The following KIF7 variants were observed in gnomAD, a reference collection of about 807,000 sequenced individuals.
KIF7 encodes the protein kinesin-like protein KIF7.
In KIF7, 104 loss-of-function variants were observed where a neutral mutation model predicts 135.7. The ratio of observed to expected loss-of-function variants is 0.77; its 90% CI spans 0.65 to 0.90. The LOEUF (loss-of-function observed/expected upper bound fraction) is 0.90. Among genes scored for constraint, KIF7 ranks in the 40% least tolerant of loss-of-function variants. The pLI is 0.00. For synonymous variants in KIF7, 883 were observed against 809.4 expected, an observed-to-expected ratio of 1.09 and a Z score of -1.54; for missense variants, 2,005 against 1,839.1, an observed-to-expected ratio of 1.09 and a Z score of -1.65.
downstream of KIF7, chr15:89,625,886 C>G (rs532430988): frequency 6.5e-7 from 1 of 1,542,944 alleles, no homozygotes; most frequent in South Asian, 1.3e-5. Flanking sequence ...GCCTGGGCTT[C>G]CCGGTTGGGG....
At chr15:89,624,868 A>C (rs1357677700), downstream of KIF7, 2 of 1,613,928 alleles carry the variant, frequency 1.2e-6, no homozygotes, top group Non-Finnish European at 8.5e-7. Flanking sequence ...CTCTCCTCTG[A>C]TGCCTTCCCG....
downstream of KIF7, chr15:89,625,121 C>T: frequency 3.1e-6 from 5 of 1,613,990 alleles, no homozygotes; most frequent in Non-Finnish European, 4.2e-6. Context: ...TTCCTCCCTG[C>T]TCTCAGCATG....
In KIF7 at chr15:89,629,560, C is replaced by A. The variant is rs752985477; in HGVS notation, c.3332G>T (p.Arg1111Leu). The A allele has an allele frequency of 1.2e-6, 2 of 1,606,582 alleles. No homozygotes were observed. Among genetic ancestry groups the A allele is most frequent in the Non-Finnish European group, 8.5e-7 (1 of 1,179,962 alleles). Residue 1111 changes from arginine (R) to leucine (L), a missense_variant, in exon 17 of 19, where the codon CGA becomes CTA. Arg to Leu is a moderately radical substitution (Grantham distance 102). Transcript: ENST00000394412. ...AATCTGCTGCTGGTGCTGCTCCTCT[C>A]GGAGCGTCACCACCTGTCCCAAGAC... ...CKYFDKVVTL[R>L]EEQHQQQIAF...
At chr15:89,654,943 G>A (rs557497030) in intron 1 of KIF7, among the ~76,000 whole-genome samples, 1 of 152,358 alleles carries the variant, frequency 6.6e-6, no homozygotes, top group South Asian at 2.1e-4. Flanking sequence ...CCGCGTGAGC[G>A]TTCCGAGCCC....
intron 1 of KIF7, among the ~76,000 whole-genome samples, chr15:89,618,428 T>G (rs760814567): frequency 1.3e-5 from 2 of 152,204 alleles, no homozygotes; most frequent in Non-Finnish European, 1.5e-5. Context: ...ACAACAGATA[T>G]GAAATTCAGG....
chr15:89,626,393 T>G (rs553681632), downstream of KIF7, among the ~76,000 whole-genome samples: 7 of 152,226 alleles, frequency 4.6e-5, no homozygotes, highest in African/African-American at 1.7e-4. Context: ...TAGGCCTGTT[T>G]AGAGCTAGTT....
downstream of KIF7, chr15:89,625,776 G>GT (rs1340503895): frequency 6.2e-7 from 1 of 1,601,450 alleles, no homozygotes. Flanking sequence ...ACGAAGAGGT[G>GT]TTTGTTTCCG....
chr15:89,648,553 G>A lies in KIF7; in HGVS notation c.1145C>T (p.Thr382Ile), dbSNP rs1246950817. ...GCGCCGGCCGCGGTGGATGATGCGGGTCTCGGAGCGGTGCCGTGGCGGACC... is the reference window on the plus strand; with the variant it reads ...GCGCCGGCCGCGGTGGATGATGCGGATCTCGGAGCGGTGCCGTGGCGGACC... The part of the protein sequence containing the change: ...ARGPPRHRSE[T>I]RIIHRGRRAP... Residue 382 changes from threonine (T) to isoleucine (I), a missense_variant, in exon 5 of 19, where the codon ACC (threonine) becomes ATC (isoleucine). Physicochemically the swap from Thr to Ile is moderately conservative, Grantham distance 89 (BLOSUM62 -1). Coordinates refer to ENST00000394412, the MANE Select transcript of KIF7 (RefSeq NM_198525.3). The A allele has an allele frequency of 7.1e-7, 1 of 1,404,930 alleles. No individual in the cohort carries two copies. Among genetic ancestry groups the A allele is most frequent in the Non-Finnish European group, 9.3e-7 (1 of 1,078,468 alleles). The allele number at this position is 1,404,930 out of a possible 1,614,324, so 87.0% of individuals were successfully genotyped here.
rs775535847 is a variant in KIF7 at position 89,633,883 on chromosome 15, C to A, written c.2395G>T (p.Val799Leu). ...GTAGCCTGCTTCTTCTCCTTCAGCA[C>A]CTGGGACCCACACAGTCTTCACTGG... ...RVAAAQSQVQ[V>L]LKEKKQATER... Residue 799 changes from valine to leucine, a missense_variant and splice_region_variant, in exon 12 of 19, where the codon GTG becomes TTG. Val to Leu is a conservative substitution (Grantham distance 32). Coordinates refer to ENST00000394412, the MANE Select transcript of KIF7 (RefSeq NM_198525.3). 2.5e-6 allele frequency: 4 copies of A among 1,613,744 alleles called. No homozygotes were observed. The highest frequency in any genetic ancestry group is 3.4e-6 in the Non-Finnish European group (4 of 1,180,028).
downstream of KIF7, chr15:89,627,273 G>A: frequency 1.5e-6 from 1 of 687,712 alleles, no homozygotes; most frequent in South Asian, 2.2e-5. Flanking sequence ...CCTTGTTGGG[G>A]AAGTTGCAGG....
Position 89,628,536 on chromosome 15 carries a change from C to T in KIF7, c.3915G>A (p.Arg1305=), listed in dbSNP as rs763741856. Reference sequence around the variant, plus strand: ...GGCCTGCCTCACCCACAGGAAGCACCCGCCCCACCAGGGGCTCAGCCGCCT... The same window carrying T: ...GGCCTGCCTCACCCACAGGAAGCACTCGCCCCACCAGGGGCTCAGCCGCCT... ...QREAAEPLVG[R]VLPVGEAGLP... The change falls in exon 19 of 19, where the codon CGG becomes CGA. Residue 1305 remains arginine, a synonymous_variant. Coordinates refer to ENST00000394412, the MANE Select transcript of KIF7 (RefSeq NM_198525.3). 21 of 1,613,144 alleles carry T rather than the reference C, an allele frequency of 1.3e-5. No homozygotes were observed. The highest frequency in any genetic ancestry group is 4.0e-5 in the African/African-American group (3 of 74,944).
At chr15:89,630,694 A>G in intron 15 of KIF7, 1 of 624,548 alleles carries the variant, frequency 1.6e-6, no homozygotes, top group Non-Finnish European at 2.9e-6. Context: ...GGCACTGCTC[A>G]GAGGTGGCCT....
At chr15:89,623,984 G>A, downstream of KIF7, 2 of 1,613,904 alleles carry the variant, frequency 1.2e-6, no homozygotes, top group South Asian at 1.1e-5. Context: ...AGCCCCTCCT[G>A]TCCAGCCCCT....
At chr15:89,657,328 A>AAGAG (rs71151519), upstream of KIF7, among the ~76,000 whole-genome samples, 49 of 127,952 alleles carry the variant, frequency 3.8e-4, no homozygotes, top group Middle Eastern at 4.2e-3. Context: ...AAAAAAAAAA[A>AAGAG]AGAGAGAGAG....
chr15:89,631,669 C>T lies in KIF7; in HGVS notation c.2937G>A (p.Glu979=). The part of the protein sequence containing the change: ...EDIVRVSSRL[E]HLEKELSEKS... ...TCTCGGACAGCTCCTTCTCCAGGTGCTCCAGCCGGCTGGACACTCGCACGA... is the reference window on the plus strand; with the variant it reads ...TCTCGGACAGCTCCTTCTCCAGGTGTTCCAGCCGGCTGGACACTCGCACGA... The change falls in exon 15 of 19, where the codon GAG becomes GAA. Residue 979 remains glutamate, a synonymous_variant. Coordinates refer to ENST00000394412, the MANE Select transcript of KIF7 (RefSeq NM_198525.3). 2 of 1,558,734 alleles carry T rather than the reference C, an allele frequency of 1.3e-6. No individual in the cohort carries two copies. The highest frequency in any genetic ancestry group is 1.7e-6 in the Non-Finnish European group (2 of 1,150,200).
the KIF7 span, among the ~76,000 whole-genome samples, chr15:89,662,962 C>G: frequency 6.6e-6 from 1 of 152,226 alleles, no homozygotes. Flanking sequence ...CATATGCGGC[C>G]TCCAGCACCC....
At chr15:89,645,752 T>A in intron 8 of KIF7, 141 bp downstream of exon 8, 1 of 1,190,272 alleles carries the variant, frequency 8.4e-7, no homozygotes, top group Non-Finnish European at 1.2e-6. Context: ...CCCCAGGGGC[T>A]GGCCAGGGCA....
At position 89,629,461 on chromosome 15, in the gene KIF7, C is replaced by T. The variant is rs756521084; in HGVS notation, c.3431G>A (p.Arg1144Gln). ...CTGGCGGTCCATCTCCAGGCGCTGC[C>T]GCTCCAGGGCCACCTCCAGCCAGTA... ...LVYWLEVALE[R>Q]QRLEMDRQLT... is the part of the protein sequence containing the mutation. The change falls in exon 17 of 19, where the codon CGG becomes CAG. Residue 1144 changes from arginine (R) to glutamine (Q), a missense_variant. By Grantham distance (43) the Arg-to-Gln change is conservative. Coordinates refer to ENST00000394412, the MANE Select transcript of KIF7 (RefSeq NM_198525.3). 2.0e-5 allele frequency: 33 copies of T among 1,609,796 alleles called. No homozygotes were observed. Among genetic ancestry groups the T allele is most frequent in the East Asian group, 4.5e-5 (2 of 44,890 alleles).
upstream of KIF7, among the ~76,000 whole-genome samples, chr15:89,660,021 A>T (rs2141515131): frequency 6.6e-6 from 1 of 152,192 alleles, no homozygotes; most frequent in Non-Finnish European, 1.5e-5. Context: ...ACATGCTGAA[A>T]ACCCATCTCT....
Sources: gnomAD v4.1 joint callset for allele counts (sites outside exome capture counted in the v4.1 genomes callset) on GRCh38, gnomAD v4.1.1 for gene constraint, MANE v1.5 for transcripts, NCBI Gene and HGNC (gene_info 2026-07-23, HGNC 2026-07-21) for gene names.